MMP16: variants seen among roughly 807,000 people sequenced by gnomAD.
MMP16 encodes the protein matrix metalloproteinase-16.
A neutral mutation model predicts 67.8 loss-of-function variants in MMP16; 12 were observed. The ratio of observed to expected loss-of-function variants is 0.18; its 90% confidence interval spans 0.11 to 0.29. The LOEUF (loss-of-function observed/expected upper bound fraction) is 0.29. Ranked by LOEUF, MMP16 falls within the 10% of genes least tolerant of loss-of-function variation. The pLI is 1.00. For missense variants in MMP16, 475 were observed against 765.7 expected (o/e 0.62, Z 4.48); for synonymous variants, 249 against 255.9 (o/e 0.97, Z 0.26).
intron 6 of MMP16, among the ~76,000 whole-genome samples, chr8:88,091,717 A>C (rs1283170412): frequency 6.6e-6 from 1 of 151,898 alleles, no homozygotes; most frequent in Non-Finnish European, 1.5e-5. Context: ...AAACACTGAT[A>C]ATTACTAAAA....
At chr8:88,142,885 G>T (rs530075634) in intron 4 of MMP16, among the ~76,000 whole-genome samples, 16 of 152,254 alleles carry the variant, frequency 1.1e-4, no homozygotes, top group Admixed American at 2.6e-4. Context: ...ATTCTCGATT[G>T]TTCTATTGTC....
chr8:88,097,403 A>G (rs959524994), intron 6 of MMP16, among the ~76,000 whole-genome samples: 3 of 151,718 alleles, frequency 2.0e-5, no homozygotes, highest in African/African-American at 7.3e-5. Flanking sequence ...AGGTGATCAG[A>G]TGACTTGTGC....
intron 1 of MMP16, among the ~76,000 whole-genome samples, chr8:88,280,856 T>C (rs953802480): frequency 6.6e-6 from 1 of 152,044 alleles, no homozygotes; most frequent in African/African-American, 2.4e-5. Flanking sequence ...CTGCACTCCA[T>C]CCTGGGAAAC....
At position 88,072,052 on chromosome 8, in the gene MMP16, G is replaced by A. The variant is rs148792118; in HGVS notation, c.1222+2553C>T. ...AATTAAAATATATGGTTTGTCAGATGGTACGTGCACAAGTTATGCAGGGAA... is the reference window on the plus strand; with the variant it reads ...AATTAAAATATATGGTTTGTCAGATAGTACGTGCACAAGTTATGCAGGGAA... On this transcript the variant is annotated intron_variant, in intron 7 of 9. Transcript: ENST00000286614. Among the ~76,000 whole-genome samples the A allele has an allele frequency of 4.7e-4, 71 of 152,184 alleles. No homozygotes were observed. In the Middle Eastern group the frequency reaches 0.01, roughly 22 times the overall value.
chr8:88,150,822 A>G (rs1272939812), intron 4 of MMP16, among the ~76,000 whole-genome samples: 1 of 150,908 alleles, frequency 6.6e-6, no homozygotes, highest in Non-Finnish European at 1.5e-5. Context: ...CAAAATCACC[A>G]GCTAACATCA....
intron 2 of MMP16, 60 bp downstream of exon 2, chr8:88,197,098 C>T: frequency 6.5e-7 from 1 of 1,537,298 alleles, no homozygotes; most frequent in Non-Finnish European, 8.8e-7. Context: ...ATAAAGTTTT[C>T]CAGACTACTT....
chr8:88,174,205 C>G (rs897697862), intron 3 of MMP16, among the ~76,000 whole-genome samples: 1 of 152,088 alleles, frequency 6.6e-6, no homozygotes, highest in African/African-American at 2.4e-5. Flanking sequence ...CAATATAGCA[C>G]TATTATATTA....
At chr8:88,060,859 A>C (rs1379141466) in intron 7 of MMP16, among the ~76,000 whole-genome samples, 1 of 152,092 alleles carries the variant, frequency 6.6e-6, no homozygotes, top group African/African-American at 2.4e-5. Context: ...GTTTAATATT[A>C]CATGGCTACT....
chr8:88,264,181 C>A (rs749668873), intron 1 of MMP16, among the ~76,000 whole-genome samples: 1 of 151,574 alleles, frequency 6.6e-6, no homozygotes, highest in East Asian at 1.9e-4. Flanking sequence ...TGTGCGTGCA[C>A]GTGCACACAT....
intron 1 of MMP16, among the ~76,000 whole-genome samples, chr8:88,233,923 A>G (rs1486827585): frequency 6.6e-6 from 1 of 152,210 alleles, no homozygotes; most frequent in Non-Finnish European, 1.5e-5. Flanking sequence ...AGATCCAGTT[A>G]TTTCACAATG....
At chr8:88,287,994 T>TA (rs1484127101) in intron 1 of MMP16, among the ~76,000 whole-genome samples, 1 of 152,168 alleles carries the variant, frequency 6.6e-6, no homozygotes, top group African/African-American at 2.4e-5. Flanking sequence ...TGAATAAAGA[T>TA]ACTCATATAT....
At chr8:88,117,595 A>G (rs1395133814) in intron 5 of MMP16, among the ~76,000 whole-genome samples, 1 of 152,110 alleles carries the variant, frequency 6.6e-6, no homozygotes, top group Non-Finnish European at 1.5e-5. Flanking sequence ...TAGAAATAGG[A>G]TAGCTCAATT....
At chr8:88,248,231 T>C (rs919355403) in intron 1 of MMP16, among the ~76,000 whole-genome samples, 66 of 152,046 alleles carry the variant, frequency 4.3e-4, no homozygotes, top group African/African-American at 1.6e-3. Context: ...GCAGAACAAA[T>C]AGTTGAAGTA....
chr8:88,166,717 A>G (rs1808719124), intron 4 of MMP16, among the ~76,000 whole-genome samples: 1 of 139,734 alleles, frequency 7.2e-6, no homozygotes, highest in African/African-American at 2.6e-5. Flanking sequence ...ATATATATAT[A>G]TATATATATA....
intron 1 of MMP16, among the ~76,000 whole-genome samples, chr8:88,221,208 T>C (rs1563566235): frequency 6.6e-6 from 1 of 152,114 alleles, no homozygotes; most frequent in Non-Finnish European, 1.5e-5. Context: ...ACCTGCGTCC[T>C]AGACAGCCAG....
At chr8:88,059,882 C>T (rs534548801) in intron 7 of MMP16, among the ~76,000 whole-genome samples, 1 of 149,524 alleles carries the variant, frequency 6.7e-6, no homozygotes, top group South Asian at 2.1e-4. Context: ...TTATATAATA[C>T]GAAGCCTGAG....
At position 88,105,406 on chromosome 8, in the gene MMP16, T is replaced by C. The variant is rs773055644; in HGVS notation, c.1083+11101A>G. 4.6e-5 allele frequency among the ~76,000 whole-genome samples: 7 copies of C among 151,508 alleles called. No individual in the cohort carries two copies. The Admixed American group carries it at 4.6e-4, about 10-fold the overall frequency. On this transcript the variant is annotated intron_variant, in intron 6 of 9. Transcript: ENST00000286614. ...GTTGTAACGCATAGTATTGCTGTAGTTTAAATTCAAAATCACCTTTAAAAT... is the reference window on the plus strand; with the variant it reads ...GTTGTAACGCATAGTATTGCTGTAGCTTAAATTCAAAATCACCTTTAAAAT...
At chr8:88,057,612 A>G (rs980193505) in intron 7 of MMP16, among the ~76,000 whole-genome samples, 17 of 152,122 alleles carry the variant, frequency 1.1e-4, no homozygotes, top group African/African-American at 4.1e-4. Context: ...CGTAGCTTTC[A>G]TGTAATACCT....
intron 4 of MMP16, among the ~76,000 whole-genome samples, chr8:88,147,960 TC>T (rs1161879154): frequency 6.6e-6 from 1 of 152,206 alleles, no homozygotes; most frequent in Non-Finnish European, 1.5e-5. Flanking sequence ...TTATATTACA[TC>T]ATTTTGTACT....
Sources: allele counts gnomAD v4.1 joint callset (sites outside exome capture counted in the v4.1 genomes callset), GRCh38; gene constraint gnomAD v4.1.1; transcripts MANE v1.5; gene names NCBI Gene and HGNC (gene_info 2026-07-23, HGNC 2026-07-21).